The following MTHFSD variants were observed in gnomAD, a reference collection of about 807,000 sequenced individuals.
The protein encoded by MTHFSD is methenyltetrahydrofolate synthase domain-containing protein.
In MTHFSD, 37 loss-of-function variants were observed where a neutral mutation model predicts 31.1. The observed-to-expected ratio is 1.19, with a 90% CI of 0.91 to 1.56. The LOEUF (loss-of-function observed/expected upper bound fraction) is 1.56. Ranked by LOEUF, MTHFSD falls within the 40% of genes most tolerant of loss-of-function variation. The pLI is 0.00. For synonymous variants in MTHFSD, 221 were observed against 206.9 expected, an observed-to-expected ratio of 1.07 and a Z score of -0.59; for missense variants, 664 against 510.1, an observed-to-expected ratio of 1.30 and a Z score of -2.91.
chr16:86,545,392 A>G (rs1204630587), intron 5 of MTHFSD, among the ~76,000 whole-genome samples: 1 of 152,110 alleles, frequency 6.6e-6, no homozygotes, highest in South Asian at 2.1e-4. Flanking sequence ...TAGCTAAACG[A>G]TGAAACTTAC....
Position 86,531,945 on chromosome 16 carries a change from T to C in MTHFSD, c.*66A>G, listed in dbSNP as rs1163985472. ...TGCCACGCAGGCCTCTCGAGTGCCA[T>C]CGGAACCGGAGCGGCAGGGGACGGG... On this transcript the variant is annotated 3_prime_UTR_variant, in exon 8 of 8. Coordinates refer to ENST00000360900, the MANE Select transcript of MTHFSD (RefSeq NM_001159377.2). This position sits in a 1 kb window ranked among gnomAD's most constrained non-coding sequence, Gnocchi z 5.5. 8.6e-7 allele frequency: 1 copy of C among 1,156,700 alleles called. No homozygotes were observed. Among genetic ancestry groups the C allele is most frequent in the Non-Finnish European group, 1.1e-6 (1 of 872,212 alleles). 71.7% of individuals were successfully genotyped at this position (1,156,700 alleles called of 1,614,324 possible).
intron 1 of MTHFSD, 78 bp from the exon 2 acceptor site, chr16:86,554,829 G>A (rs1973835889): frequency 1.9e-5 from 25 of 1,287,554 alleles, no homozygotes; most frequent in Non-Finnish European, 2.8e-5. Flanking sequence ...CAGTAGTTAA[G>A]CGACCCCCGC....
At chr16:86,549,922 G>A (rs28379413) in intron 3 of MTHFSD, among the ~76,000 whole-genome samples, 4,587 of 151,900 alleles carry the variant, frequency 0.03, 213 homozygotes, top group African/African-American at 0.1. Context: ...CGGACTGTCC[G>A]GTCAGACACT....
chr16:86,555,119 G>C lies in MTHFSD; in HGVS notation c.16+50C>G. On this transcript the variant is annotated intron_variant, in intron 1 of 7. Coordinates refer to ENST00000360900, the MANE Select transcript of MTHFSD (RefSeq NM_001159377.2). ...CCCGCCTCGACCCTCACCGGTCCCG[G>C]CTGTCCCTCCCCATTCCCAGCCGCC... 3 of 1,529,648 alleles carry C rather than the reference G, an allele frequency of 2.0e-6. No individual in the cohort carries two copies. The South Asian group carries it at 3.6e-5, about 18-fold the overall frequency. The allele number at this position is 1,529,648 out of a possible 1,614,324, so 94.8% of individuals were successfully genotyped here. A position where few individuals can be genotyped will look rare whatever the true frequency, so the allele number is the denominator to read the frequency against.
intron 5 of MTHFSD, among the ~76,000 whole-genome samples, chr16:86,545,031 GAACAA>G (rs1464785425): frequency 6.6e-6 from 1 of 152,178 alleles, no homozygotes; most frequent in African/African-American, 2.4e-5. Context: ...ACAGGGAGGG[GAACAA>G]CACATACTGG....
intron 4 of MTHFSD, chr16:86,548,184 G>T (rs142537879): frequency 8.4e-7 from 1 of 1,191,476 alleles, no homozygotes; most frequent in Non-Finnish European, 1.1e-6. Context: ...GGCAGTGCCA[G>T]AGAACCAGAT....
intron 7 of MTHFSD, among the ~76,000 whole-genome samples, chr16:86,534,477 T>C (rs772982746): frequency 2.0e-5 from 3 of 152,190 alleles, no homozygotes; most frequent in Non-Finnish European, 4.4e-5. Flanking sequence ...CTTGAGGTGC[T>C]ACTGGACACA....
intron 7 of MTHFSD, chr16:86,540,626 G>A (rs1025686844): frequency 3.1e-6 from 3 of 970,700 alleles, no homozygotes; most frequent in South Asian, 4.8e-5. Flanking sequence ...CTGAGGAGCC[G>A]CCAGCCTTAT....
rs540603118 is a variant in MTHFSD at position 86,555,043 on chromosome 16, T to A, written c.16+126A>T. The A allele has an allele frequency of 7.5e-4, 1,107 of 1,467,808 alleles. 8 individuals are homozygous for A. The South Asian group carries it at 7.9e-3, about 11-fold the overall frequency. 90.9% of individuals were successfully genotyped at this position (1,467,808 alleles called of 1,614,324 possible). On this transcript the variant is annotated intron_variant, in intron 1 of 7. Transcript: ENST00000360900. ...AACCCAGCACAGACCCCCTCTGACC[T>A]CCTCGGCCGCTTCCGGTGATTCTGC...
At chr16:86,551,569 T>C (rs950282142) in intron 3 of MTHFSD, among the ~76,000 whole-genome samples, 1 of 152,222 alleles carries the variant, frequency 6.6e-6, no homozygotes, top group African/African-American at 2.4e-5. Flanking sequence ...AGAAGAAACC[T>C]TTCCAGTTCT....
intron 7 of MTHFSD, among the ~76,000 whole-genome samples, chr16:86,538,659 G>A (rs755918587): frequency 2.0e-5 from 3 of 152,250 alleles, no homozygotes; most frequent in Non-Finnish European, 2.9e-5. Context: ...GTCACAGGGA[G>A]AGACATCGCA....
At chr16:86,552,195 C>G (rs774972202) in intron 2 of MTHFSD, 49 bp from the exon 3 acceptor site, 3 of 1,613,816 alleles carry the variant, frequency 1.9e-6, no homozygotes, top group African/African-American at 2.7e-5. Context: ...GACGAAGAAG[C>G]GAGCACTTTT....
Position 86,532,201 on chromosome 16 carries a change from T to C in MTHFSD, c.962A>G (p.Asp321Gly). Reference protein sequence around the residue: ...GNLPGDARVSDLKRALRELGS... With the variant: ...GNLPGDARVSGLKRALRELGS... ...GAGTTCCCGCAGGGCTCTCTTCAGG[T>C]CACTCACACGGGCGTCCCCGGGGAG... Residue 321 changes from aspartate (D) to glycine (G), a missense_variant, in exon 8 of 8, where the codon GAC becomes GGC. Coordinates refer to ENST00000360900, the MANE Select transcript of MTHFSD (RefSeq NM_001159377.2). The C allele has an allele frequency of 1.9e-6, 3 of 1,586,830 alleles. No individual in the cohort carries two copies. The South Asian group carries it at 3.4e-5, about 18-fold the overall frequency.
At chr16:86,546,117 C>T (rs1972263990) in intron 5 of MTHFSD, among the ~76,000 whole-genome samples, 1 of 152,182 alleles carries the variant, frequency 6.6e-6, no homozygotes, top group South Asian at 2.1e-4. Flanking sequence ...GTCTCGGACA[C>T]ACCACGTTGT....
In MTHFSD at chr16:86,531,969, G is replaced by T; in HGVS notation, c.*42C>A. On this transcript the variant is annotated 3_prime_UTR_variant, in exon 8 of 8. Transcript: ENST00000360900. This position sits in a 1 kb window ranked among gnomAD's most constrained non-coding sequence, Gnocchi z 5.5. ...ATCGGAACCGGAGCGGCAGGGGACGGGGATGGCGAGTCTGCAGTGAGCTCC... is the reference window on the plus strand; with the variant it reads ...ATCGGAACCGGAGCGGCAGGGGACGTGGATGGCGAGTCTGCAGTGAGCTCC... The T allele has an allele frequency of 7.5e-7, 1 of 1,332,586 alleles. No individual in the cohort carries two copies. The highest frequency in any genetic ancestry group is 2.8e-5 in the East Asian group (1 of 35,548). 82.5% of individuals were successfully genotyped at this position (1,332,586 alleles called of 1,614,324 possible). A position where few individuals can be genotyped will look rare whatever the true frequency, so the allele number is the denominator to read the frequency against.
chr16:86,551,758 C>T (rs765626793), intron 3 of MTHFSD, among the ~76,000 whole-genome samples: 18 of 152,204 alleles, frequency 1.2e-4, no homozygotes, highest in Non-Finnish European at 2.2e-4. Context: ...GGTTCCCTCT[C>T]CTGTGCCAAC....
chr16:86,547,123 G>C (rs1972431477), intron 4 of MTHFSD: 1 of 961,532 alleles, frequency 1.0e-6, no homozygotes, highest in Non-Finnish European at 1.2e-6. Context: ...TATGCATTTA[G>C]CACATAAGAC....
At chr16:86,553,113 G>C (rs1973423515) in intron 2 of MTHFSD, 1 of 152,162 alleles carries the variant, frequency 6.6e-6, no homozygotes, top group Non-Finnish European at 1.5e-5. Context: ...CAAAGGCCTA[G>C]AGCCTGAACT....
chr16:86,536,970 A>G (rs1037577460), intron 7 of MTHFSD, among the ~76,000 whole-genome samples: 1 of 152,198 alleles, frequency 6.6e-6, no homozygotes, highest in African/African-American at 2.4e-5. Flanking sequence ...GAGTTTTAAG[A>G]ACTGGCGCAT....
Sources: allele counts gnomAD v4.1 joint callset (sites outside exome capture counted in the v4.1 genomes callset), GRCh38; gene constraint gnomAD v4.1.1; non-coding constraint Gnocchi (gnomAD v3.1); transcripts MANE v1.5; gene names NCBI Gene and HGNC (gene_info 2026-07-23, HGNC 2026-07-21).